Variants in SMYD3 observed in about 807,000 individuals in gnomAD.
SMYD3 encodes the protein SET and MYND domain containing 3.
SMYD3 carries 36 observed loss-of-function variants against 57.7 expected under a neutral mutation model. That is an observed-to-expected ratio of 0.62 (90% confidence interval 0.48 to 0.82). SMYD3 has a LOEUF of 0.82. Among genes scored for constraint, SMYD3 ranks in the 40% least tolerant of loss-of-function variants. The pLI, the probability that SMYD3 is intolerant of heterozygous loss-of-function variation, is 0.00. For missense variants in SMYD3, 515 were observed against 538.8 expected (o/e 0.96, Z 0.44); for synonymous variants, 211 against 195.0 (o/e 1.08, Z -0.68).
At chr1:246,043,597 A>C (rs1176308591) in intron 5 of SMYD3, among the ~76,000 whole-genome samples, 4 of 152,232 alleles carry the variant, frequency 2.6e-5, no homozygotes, top group Admixed American at 2.6e-4. Flanking sequence ...CCTGCAGGGC[A>C]TAGGTTTCTG....
intron 5 of SMYD3, among the ~76,000 whole-genome samples, chr1:246,138,464 C>G (rs1194170210): frequency 6.9e-6 from 1 of 144,582 alleles, no homozygotes; most frequent in Non-Finnish European, 1.6e-5. Context: ...CTCGCTCTGT[C>G]GCCCAGGCTG....
Position 246,258,452 on chromosome 1 carries a change from A to T in SMYD3, c.531+68749T>A, listed in dbSNP as rs531241666. On this transcript the variant is annotated intron_variant, in intron 5 of 11. Transcript: ENST00000490107. ...TTAGTGCTTGCTTGTCTGGAAAAAA[A>T]TTTTATTTCTTCTTCATTTATGAAG... Among the ~76,000 whole-genome samples the T allele has an allele frequency of 6.6e-5, 10 of 152,240 alleles. No homozygotes were observed. The East Asian group carries it at 1.7e-3, about 26-fold the overall frequency.
chr1:246,281,735 A>C (rs556269543), intron 5 of SMYD3, among the ~76,000 whole-genome samples: 1 of 152,352 alleles, frequency 6.6e-6, no homozygotes, highest in East Asian at 1.9e-4. Context: ...CACTGAGAAA[A>C]CAGTGGAGGA....
chr1:246,439,679 A>T (rs2067433787), intron 1 of SMYD3, among the ~76,000 whole-genome samples: 1 of 152,026 alleles, frequency 6.6e-6, no homozygotes, highest in Admixed American at 6.5e-5. Context: ...GAAGCACAAT[A>T]AATGTGCTAG....
intron 5 of SMYD3, among the ~76,000 whole-genome samples, chr1:246,271,895 A>T (rs1230573031): frequency 2.0e-5 from 3 of 152,180 alleles, no homozygotes; most frequent in Non-Finnish European, 4.4e-5. Flanking sequence ...AGGTAATGAC[A>T]TCTTAACAAT....
intron 10 of SMYD3, among the ~76,000 whole-genome samples, chr1:245,795,917 C>T (rs2047502712): frequency 6.6e-6 from 1 of 152,308 alleles, no homozygotes; most frequent in East Asian, 1.9e-4. Context: ...TCAGAAGGCA[C>T]TTTTCTGATC....
intron 5 of SMYD3, among the ~76,000 whole-genome samples, chr1:245,978,572 G>C (rs773278209): frequency 1.3e-5 from 2 of 152,146 alleles, no homozygotes; most frequent in African/African-American, 2.4e-5. Flanking sequence ...GCGGGAGGGC[G>C]GGGGGCAGAG....
At chr1:245,849,138 G>A (rs1354600446) in intron 10 of SMYD3, among the ~76,000 whole-genome samples, 2 of 152,204 alleles carry the variant, frequency 1.3e-5, no homozygotes, top group African/African-American at 4.8e-5. Context: ...CTTTCACTAG[G>A]AAGTTATCCA....
At chr1:246,008,781 T>C (rs1162102946) in intron 5 of SMYD3, among the ~76,000 whole-genome samples, 1 of 152,112 alleles carries the variant, frequency 6.6e-6, no homozygotes, top group African/African-American at 2.4e-5. Context: ...GTTTTGAAAA[T>C]AAGAGCCTCT....
intron 8 of SMYD3, among the ~76,000 whole-genome samples, chr1:245,881,338 T>C (rs2052766872): frequency 6.6e-6 from 1 of 152,202 alleles, no homozygotes; most frequent in African/African-American, 2.4e-5. Flanking sequence ...ACATGTGAGT[T>C]TGTAGGTCTT....
At chr1:246,145,847 G>C (rs1356074994) in intron 5 of SMYD3, among the ~76,000 whole-genome samples, 2 of 152,220 alleles carry the variant, frequency 1.3e-5, no homozygotes, top group Non-Finnish European at 1.5e-5. Context: ...GACAATCCAA[G>C]ATCGAATCTG....
chr1:246,485,121 T>C (rs1206502478), intron 1 of SMYD3, among the ~76,000 whole-genome samples: 1 of 151,586 alleles, frequency 6.6e-6, no homozygotes, highest in African/African-American at 2.4e-5. Flanking sequence ...ACTACTGCAC[T>C]AGTTACACCT....
chr1:245,898,335 G>A (rs190517924), intron 8 of SMYD3, among the ~76,000 whole-genome samples: 8 of 152,330 alleles, frequency 5.3e-5, no homozygotes, highest in African/African-American at 1.9e-4. Context: ...CCTTGTGAAT[G>A]TGTGCGTGTA....
intron 5 of SMYD3, among the ~76,000 whole-genome samples, chr1:246,171,795 G>A (rs1385948175): frequency 6.6e-6 from 1 of 152,208 alleles, no homozygotes; most frequent in African/African-American, 2.4e-5. Flanking sequence ...GGAATTGCTT[G>A]AGGCCGGGAG....
chr1:246,347,149 AT>A (rs2065735234), intron 2 of SMYD3, among the ~76,000 whole-genome samples: 1 of 152,124 alleles, frequency 6.6e-6, no homozygotes, highest in African/African-American at 2.4e-5. Flanking sequence ...AAAAGACTTT[AT>A]AAAAAAAAAA....
At chr1:246,487,260 A>G (rs567007121) in intron 1 of SMYD3, among the ~76,000 whole-genome samples, 66 of 152,290 alleles carry the variant, frequency 4.3e-4, no homozygotes, top group African/African-American at 1.3e-3. Context: ...CAGCCTGGCC[A>G]ATATAGCCAA....
intron 5 of SMYD3, among the ~76,000 whole-genome samples, chr1:246,104,782 A>G (rs1322385479): frequency 6.6e-6 from 1 of 152,152 alleles, no homozygotes; most frequent in Non-Finnish European, 1.5e-5. Flanking sequence ...TAAAAAAAAA[A>G]TTATAGATAC....
chr1:246,309,482 A>G (rs1389594560), intron 5 of SMYD3, among the ~76,000 whole-genome samples: 1 of 152,180 alleles, frequency 6.6e-6, no homozygotes. Flanking sequence ...CCCTGAAAAC[A>G]CTATCCTTAC....
chr1:246,025,572 C>G (rs2059560394), intron 5 of SMYD3, among the ~76,000 whole-genome samples: 1 of 152,106 alleles, frequency 6.6e-6, no homozygotes, highest in Non-Finnish European at 1.5e-5. Flanking sequence ...AAGCTGCGTC[C>G]TATACACTAG....
Sources: gnomAD v4.1 joint callset for allele counts (sites outside exome capture counted in the v4.1 genomes callset) on GRCh38, gnomAD v4.1.1 for gene constraint, MANE v1.5 for transcripts, NCBI Gene and HGNC (gene_info 2026-07-23, HGNC 2026-07-21) for gene names.